Variants in NDUFAF5 observed in about 807,000 individuals in gnomAD.
NDUFAF5 encodes NADH:ubiquinone oxidoreductase complex assembly factor 5, also known as arginine-hydroxylase NDUFAF5, mitochondrial.
In NDUFAF5, 34 loss-of-function variants were observed where a neutral mutation model predicts 48.9. The ratio of observed to expected loss-of-function variants is 0.70; its 90% CI spans 0.53 to 0.93. The LOEUF (loss-of-function observed/expected upper bound fraction) is 0.93. Ranked by LOEUF, NDUFAF5 falls within the 40% of genes least tolerant of loss-of-function variation. The pLI, the probability that NDUFAF5 is intolerant of heterozygous loss-of-function variation, is 0.00. For synonymous variants in NDUFAF5, 153 were observed against 150.6 expected, an observed-to-expected ratio of 1.02 and a Z score of -0.12; for missense variants, 428 against 427.5, an observed-to-expected ratio of 1.00 and a Z score of -0.01.
intron 7 of NDUFAF5, among the ~76,000 whole-genome samples, chr20:13,802,477 T>G (rs1984317250): frequency 6.6e-6 from 1 of 152,024 alleles, no homozygotes; most frequent in Non-Finnish European, 1.5e-5. Context: ...GAAACCAACT[T>G]GGCCAACGTA....
intron 7 of NDUFAF5, among the ~76,000 whole-genome samples, chr20:13,807,140 G>A (rs549248769): frequency 4.0e-5 from 6 of 151,802 alleles, no homozygotes; most frequent in South Asian, 2.1e-4. Flanking sequence ...TCTGCCTCCC[G>A]GGTTCAAGCG....
intron 7 of NDUFAF5, among the ~76,000 whole-genome samples, chr20:13,808,541 T>G (rs930332586): frequency 6.6e-6 from 1 of 152,136 alleles, no homozygotes; most frequent in African/African-American, 2.4e-5. Flanking sequence ...TTTCAAAGAC[T>G]TGGAGGAGAG....
At chr20:13,817,048 A>G in intron 10 of NDUFAF5, 70 bp from the exon 11 acceptor site, 1 of 1,548,364 alleles carries the variant, frequency 6.5e-7, no homozygotes, top group African/African-American at 1.4e-5. Flanking sequence ...GTAAGACAGC[A>G]TTAAGGGCTT....
intron 9 of NDUFAF5, 26 bp from the exon 10 acceptor site, chr20:13,816,849 G>T: frequency 6.5e-7 from 1 of 1,539,486 alleles, no homozygotes; most frequent in South Asian, 1.1e-5. Flanking sequence ...CATTTTTTCA[G>T]ACTTTAACCA....
rs765282965 is a variant in NDUFAF5 at position 13,785,035 on chromosome 20, C to CA, written c.-29dup. On this transcript the variant is annotated 5_prime_UTR_variant, in exon 1 of 11. Transcript: ENST00000378106. ...CAAAAGCCGCGCTGGCGCATGCGCA[C>CA]AAAAAGCGCCGGCAATTGGGGTCGC... The CA allele has an allele frequency of 1.3e-6, 2 of 1,588,466 alleles. No individual in the cohort carries two copies. The highest frequency in any genetic ancestry group is 1.7e-6 in the Non-Finnish European group (2 of 1,166,984).
At chr20:13,812,337 A>G (rs1244028546) in intron 8 of NDUFAF5, among the ~76,000 whole-genome samples, 3 of 152,188 alleles carry the variant, frequency 2.0e-5, no homozygotes, top group Admixed American at 2.0e-4. Context: ...AGGATCAGTA[A>G]TAAGTCACAC....
chr20:13,785,294 AGCCCGCGG>A lies in NDUFAF5; in HGVS notation c.222+6_222+13del, dbSNP rs1568738545. On this transcript the variant is annotated splice_donor_5th_base_variant and intron_variant, in intron 1 of 10. Transcript: ENST00000378106. ...ATTTGACTACCTGAAGGAGGAGGTG[AGCCCGCGG>A]GGCGGCGGGGCGGCGGGGCGGGCGA... The A allele has an allele frequency of 4.8e-6, 7 of 1,458,540 alleles. No homozygotes were observed. The highest frequency in any genetic ancestry group is 1.7e-4 in the Middle Eastern group (1 of 5,880). 90.3% of individuals were successfully genotyped at this position (1,458,540 alleles called of 1,614,324 possible).
chr20:13,801,313 A>G (rs986273800), intron 6 of NDUFAF5, among the ~76,000 whole-genome samples, 173 bp from the exon 7 acceptor site: 20 of 151,958 alleles, frequency 1.3e-4, no homozygotes, highest in Admixed American at 1.3e-3. Context: ...ATTATGCATC[A>G]TGATTTTCTG....
Position 13,790,475 on chromosome 20 carries a change from C to G in NDUFAF5, c.327+1823C>G, listed in dbSNP as rs528681745. ...CCACCTTCCCCATCACCGTGCTGTT[C>G]AGCTATCATCGCCCCTTGCCTAGAT... On this transcript the variant is annotated intron_variant, in intron 3 of 10. Transcript: ENST00000378106. Among the ~76,000 whole-genome samples the G allele has an allele frequency of 3.3e-5, 5 of 152,344 alleles. No homozygotes were observed. The South Asian group carries it at 1.0e-3, about 32-fold the overall frequency.
chr20:13,803,803 G>A (rs958639685), intron 7 of NDUFAF5, among the ~76,000 whole-genome samples: 6 of 150,846 alleles, frequency 4.0e-5, no homozygotes, highest in South Asian at 2.1e-4. Flanking sequence ...TTTTTTTGGG[G>A]GGGGGACAGT....
chr20:13,816,117 C>G, intron 8 of NDUFAF5: 1 of 375,976 alleles, frequency 2.7e-6, no homozygotes, highest in East Asian at 6.5e-5. Context: ...GATGTGACAT[C>G]CTTGGTAAAG....
rs1986749062 is a variant in NDUFAF5 at position 13,818,442 on chromosome 20, G to GT, written c.*1232_*1233insT. On this transcript the variant is annotated 3_prime_UTR_variant, in exon 11 of 11. Transcript: ENST00000378106. ...TAGAATTTGGCGTTTTGTTTTTTGGGGTTTTTTTTTTTTTTAGCTTAATTT... is the reference window on the plus strand; with the variant it reads ...TAGAATTTGGCGTTTTGTTTTTTGGGTGTTTTTTTTTTTTTTAGCTTAATTT... 3 of 325,452 alleles carry GT rather than the reference G, an allele frequency of 9.2e-6. No homozygotes were observed. The highest frequency in any genetic ancestry group is 4.6e-5 in the African/African-American group (2 of 43,210). 20.2% of individuals were successfully genotyped at this position (325,452 alleles called of 1,614,324 possible). A position where few individuals can be genotyped will look rare whatever the true frequency, so the allele number is the denominator to read the frequency against.
intron 7 of NDUFAF5, among the ~76,000 whole-genome samples, chr20:13,808,332 A>G (rs184507231): frequency 5.3e-5 from 8 of 152,284 alleles, no homozygotes; most frequent in East Asian, 3.9e-4. Flanking sequence ...TCATTACCCA[A>G]TTGTTCATTT....
At chr20:13,787,470 T>G (rs988710977) in intron 2 of NDUFAF5, 118 bp downstream of exon 2, 10 of 936,762 alleles carry the variant, frequency 1.1e-5, no homozygotes, top group Admixed American at 1.7e-5. Flanking sequence ...CTCAGACTGG[T>G]GATTTAAATC....
At chr20:13,787,282 C>T (rs777718561) in intron 1 of NDUFAF5, 30 bp from the exon 2 acceptor site, 17 of 1,612,788 alleles carry the variant, frequency 1.1e-5, no homozygotes, top group Admixed American at 3.3e-5. Context: ...GTTACTTCCC[C>T]GTTAACCTAC....
chr20:13,790,432 A>G (rs774542339), intron 3 of NDUFAF5, among the ~76,000 whole-genome samples: 3 of 152,162 alleles, frequency 2.0e-5, no homozygotes, highest in Non-Finnish European at 4.4e-5. Context: ...AATATAACCA[A>G]ACTCTTATGT....
At chr20:13,786,032 A>G (rs1981037729) in intron 1 of NDUFAF5, among the ~76,000 whole-genome samples, 2 of 152,196 alleles carry the variant, frequency 1.3e-5, no homozygotes, top group African/African-American at 4.8e-5. Flanking sequence ...GGAAGATCAA[A>G]TTAAGATTTC....
chr20:13,796,065 A>G (rs185214295), intron 5 of NDUFAF5, among the ~76,000 whole-genome samples: 28 of 152,290 alleles, frequency 1.8e-4, no homozygotes, highest in African/African-American at 6.5e-4. Flanking sequence ...CTCCTGTCTT[A>G]TAGTCAAATA....
intron 7 of NDUFAF5, among the ~76,000 whole-genome samples, chr20:13,805,985 A>ATT: frequency 6.6e-6 from 1 of 152,186 alleles, no homozygotes; most frequent in East Asian, 1.9e-4. Flanking sequence ...CCATCCAAAA[A>ATT]AGCTTTTGTA....
Sources: gnomAD v4.1 joint callset for allele counts (sites outside exome capture counted in the v4.1 genomes callset) on GRCh38, gnomAD v4.1.1 for gene constraint, MANE v1.5 for transcripts, NCBI Gene and HGNC (gene_info 2026-07-23, HGNC 2026-07-21) for gene names.